Variants in HMGXB3 observed in about 807,000 individuals in gnomAD.
HMGXB3 encodes the protein HMG-box containing 3.
A neutral mutation model predicts 121.5 loss-of-function variants in HMGXB3; 45 were observed. The ratio of observed to expected loss-of-function variants is 0.37; its 90% CI spans 0.29 to 0.47. The LOEUF is 0.47. Ranked by LOEUF, HMGXB3 falls within the 20% of genes least tolerant of loss-of-function variation. The pLI, the probability that HMGXB3 is intolerant of heterozygous loss-of-function variation, is 0.99. For synonymous variants in HMGXB3, 590 were observed against 624.1 expected (o/e 0.95, Z 0.81); for missense variants, 1,376 against 1,602.2 (o/e 0.86, Z 2.41).
rs546754586 is a variant in HMGXB3, at chr5:150,052,049, C to T, written c.3736C>T (p.Arg1246Cys). The T allele has an allele frequency of 2.9e-5, 45 of 1,551,988 alleles. No individual in the cohort carries two copies. Among genetic ancestry groups the T allele is most frequent in the South Asian group, 3.6e-5 (3 of 84,068 alleles). Residue 1246 changes from arginine (R) to cysteine (C), a missense_variant, in exon 20 of 20, where the codon CGT (arginine) becomes TGT (cysteine). Physicochemically the swap from Arg to Cys is radical, Grantham distance 180 (BLOSUM62 -3). Coordinates refer to ENST00000502717, the MANE Select transcript of HMGXB3 (RefSeq NM_014983.3). Reference sequence around the variant, plus strand: ...CCTCACCAGCCGCGAAATTGTCAATCGTCAGATCCATGACATTGTACAGAG... The same window carrying T: ...CCTCACCAGCCGCGAAATTGTCAATTGTCAGATCCATGACATTGTACAGAG... ...DFLTSREIVN[R>C]QIHDIVQSCQ...
intron 5 of HMGXB3, chr5:150,015,200 T>A (rs1210809204): frequency 2.7e-5 from 7 of 263,466 alleles, no homozygotes; most frequent in Non-Finnish European, 5.0e-5. Context: ...GTCACGTGTG[T>A]TCTTCACTGC....
intron 9 of HMGXB3, among the ~76,000 whole-genome samples, chr5:150,028,434 A>G (rs1756283947): frequency 6.9e-6 from 1 of 144,934 alleles, no homozygotes; most frequent in Non-Finnish European, 1.5e-5. Flanking sequence ...GTATATATAT[A>G]TATGTATGTG....
At chr5:150,040,665 A>C in intron 13 of HMGXB3, 83 bp from the exon 14 acceptor site, 1 of 1,420,834 alleles carries the variant, frequency 7.0e-7, no homozygotes, top group East Asian at 2.6e-5. Context: ...GGCACGTGCC[A>C]CCGCACCCAG....
chr5:150,036,854 G>A lies in HMGXB3; in HGVS notation c.2202G>A (p.Glu734=). 6.4e-7 allele frequency: 1 copy of A among 1,551,672 alleles called. No homozygotes were observed. The highest frequency in any genetic ancestry group is 2.4e-5 in the East Asian group (1 of 40,926). The change falls in exon 12 of 20, where the codon GAG becomes GAA. Residue 734 remains glutamate, a synonymous_variant. Transcript: ENST00000502717. ...TGAGTGAGGAGACAGTCACCATCGAGCAAACCTCTTGGTCGAATTATTATG... is the reference window on the plus strand; with the variant it reads ...TGAGTGAGGAGACAGTCACCATCGAACAAACCTCTTGGTCGAATTATTATG... ...SNVSEETVTI[E]QTSWSNYYES...
At chr5:150,003,348 GGCC>G (rs1755623056) in intron 1 of HMGXB3, among the ~76,000 whole-genome samples, 1 of 152,098 alleles carries the variant, frequency 6.6e-6, no homozygotes, top group Non-Finnish European at 1.5e-5. Context: ...AATGAAAGAA[GGCC>G]CAGGGAGTTG....
At chr5:150,047,243 C>G (rs1561887635) in intron 16 of HMGXB3, among the ~76,000 whole-genome samples, 1 of 152,060 alleles carries the variant, frequency 6.6e-6, no homozygotes, top group African/African-American at 2.4e-5. Context: ...CTTGTGCTAG[C>G]CAGGTTCAGG....
chr5:150,022,048 G>C, intron 6 of HMGXB3: 1 of 262,380 alleles, frequency 3.8e-6, no homozygotes, highest in Non-Finnish European at 7.2e-6. Flanking sequence ...CTTCCTCAAA[G>C]AGCAAAACAT....
At chr5:150,016,372 T>A (rs1432961127) in intron 5 of HMGXB3, among the ~76,000 whole-genome samples, 3 of 151,120 alleles carry the variant, frequency 2.0e-5, no homozygotes, top group African/African-American at 7.3e-5. Context: ...GGAGGTGACA[T>A]TTAACTATCC....
In HMGXB3 at chr5:150,051,842, C is replaced by T. The variant is rs769635442; in HGVS notation, c.3529C>T (p.Leu1177=). The T allele has an allele frequency of 5.2e-6, 8 of 1,550,480 alleles. No individual in the cohort carries two copies. Among genetic ancestry groups the T allele is most frequent in the Middle Eastern group, 1.7e-4 (1 of 6,012 alleles). ...TATRRIVHAG[L]QPNPGDPSAG... is the part of the protein sequence containing the mutation. ...CACGCGGCGCATCGTCCATGCAGGC[C>T]TACAGCCCAATCCTGGTGACCCCAG... The change falls in exon 20 of 20, where the codon CTA becomes TTA. Residue 1177 remains leucine, a synonymous_variant. Transcript: ENST00000502717.
At chr5:150,041,739 A>T in intron 14 of HMGXB3, 46 bp from the exon 15 acceptor site, 1 of 1,451,822 alleles carries the variant, frequency 6.9e-7, no homozygotes, top group Non-Finnish European at 9.4e-7. Context: ...TAGTGGCTTC[A>T]GTGTCTTTTT....
chr5:150,044,646 T>A (rs1581266137), intron 15 of HMGXB3, among the ~76,000 whole-genome samples: 1 of 152,192 alleles, frequency 6.6e-6, no homozygotes, highest in East Asian at 1.9e-4. Flanking sequence ...CTCTTGCTGC[T>A]TGTCCAGGAC....
In HMGXB3 at chr5:150,033,368, G is replaced by A. The variant is rs150649192; in HGVS notation, c.1983+765G>A. 6.1e-3 allele frequency among the ~76,000 whole-genome samples: 931 copies of A among 152,290 alleles called. 8 individuals are homozygous for A. Among genetic ancestry groups the A allele is most frequent in the African/African-American group, 0.021 (857 of 41,558 alleles). ...ATGGAGCCTGGTCACTCCAGATCAA[G>A]GCTGGACCTTGAAAGGCAGGCAGGT... is the stretch of plus-strand genomic sequence containing the variant. On this transcript the variant is annotated intron_variant, in intron 11 of 19. Coordinates refer to ENST00000502717, the MANE Select transcript of HMGXB3 (RefSeq NM_014983.3).
chr5:150,045,961 A>C (rs1470891442), intron 16 of HMGXB3, among the ~76,000 whole-genome samples: 2 of 152,184 alleles, frequency 1.3e-5, no homozygotes, highest in African/African-American at 4.8e-5. Flanking sequence ...CTCCTATAAA[A>C]AATGCTGATA....
In HMGXB3 at chr5:150,040,667, C is replaced by A. The variant is rs765389374; in HGVS notation, c.2414-81C>A. 95 of 1,426,856 alleles carry A rather than the reference C, an allele frequency of 6.7e-5. 1 individual carries two copies. The highest frequency in any genetic ancestry group is 5.4e-4 in the Middle Eastern group (3 of 5,576). 88.4% of individuals were successfully genotyped at this position (1,426,856 alleles called of 1,614,324 possible). On this transcript the variant is annotated intron_variant, in intron 13 of 19. Coordinates refer to ENST00000502717, the MANE Select transcript of HMGXB3 (RefSeq NM_014983.3). The stretch of plus-strand genomic sequence containing the variant: ...GCCTGCAACTACAGGCACGTGCCAC[C>A]GCACCCAGCTGGTGTGTATTCTATT...
chr5:150,004,941 A>G lies in HMGXB3; in HGVS notation c.89A>G (p.Lys30Arg). Reference protein sequence around the residue: ...AYCYTSPGPPKKKKKYKIHGE... With the variant: ...AYCYTSPGPPRKKKKYKIHGE... ...TGTTACACCTCTCCTGGGCCACCCA[A>G]GAAGAAGAAAAAGTATAAAATACAT... Residue 30 changes from lysine (K) to arginine (R), a missense_variant, in exon 2 of 20, where the codon AAG becomes AGG. Around this residue, in one of 2 missense-constraint regions of HMGXB3, gnomAD observed 1,116 missense variants for 1,369.0 expected, o/e 0.82. Coordinates refer to ENST00000502717, the MANE Select transcript of HMGXB3 (RefSeq NM_014983.3). 1.9e-6 allele frequency: 3 copies of G among 1,551,636 alleles called. No individual in the cohort carries two copies. Among genetic ancestry groups the G allele is most frequent in the Non-Finnish European group, 2.6e-6 (3 of 1,146,802 alleles).
At chr5:150,001,751 A>G (rs1172630010) in intron 1 of HMGXB3, among the ~76,000 whole-genome samples, 1 of 152,158 alleles carries the variant, frequency 6.6e-6, no homozygotes, top group East Asian at 1.9e-4. Context: ...AGGGTAATAA[A>G]ACAAACAAAA....
chr5:150,044,777 T>C (rs942144265), intron 15 of HMGXB3, among the ~76,000 whole-genome samples: 15 of 152,090 alleles, frequency 9.9e-5, no homozygotes, highest in African/African-American at 3.6e-4. Context: ...TATACAACTG[T>C]GATTGAGGTA....
chr5:150,024,192 T>C, intron 6 of HMGXB3, 70 bp from the exon 7 acceptor site: 5 of 1,232,890 alleles, frequency 4.1e-6, no homozygotes, highest in Non-Finnish European at 5.5e-6. Context: ...TTATTAAAAA[T>C]GAGAGAATGT....
chr5:150,026,032 G>T (rs10072944), intron 7 of HMGXB3, among the ~76,000 whole-genome samples: 1 of 152,024 alleles, frequency 6.6e-6, no homozygotes, highest in East Asian at 1.9e-4. Flanking sequence ...GAGTTTCACC[G>T]TGTTAGCCAG....
Sources: gnomAD v4.1 joint callset for allele counts (sites outside exome capture counted in the v4.1 genomes callset) on GRCh38, gnomAD v4.1.1 for gene constraint, gnomAD v4.1.1 regional missense constraint, MANE v1.5 for transcripts, NCBI Gene and HGNC (gene_info 2026-07-23, HGNC 2026-07-21) for gene names.